AKR1C4: variants seen among roughly 807,000 people sequenced by gnomAD.
AKR1C4 encodes 3-alpha-HSD1.
In AKR1C4, 44 loss-of-function variants were observed where a neutral mutation model predicts 41.0. That is an observed-to-expected ratio of 1.07 (90% CI 0.84 to 1.38). The LOEUF (loss-of-function observed/expected upper bound fraction) is 1.38, where lower values mean the gene tolerates loss of function less well. Ranked by LOEUF, AKR1C4 falls within the 40% of genes most tolerant of loss-of-function variation. AKR1C4 has a pLI of 0.00. For synonymous variants in AKR1C4, 165 were observed against 137.7 expected, an observed-to-expected ratio of 1.20 and a Z score of -1.39; for missense variants, 438 against 387.9, an observed-to-expected ratio of 1.13 and a Z score of -1.09.
intron 5 of AKR1C4, chr10:5,207,736 T>C (rs781840684): frequency 4.2e-6 from 2 of 480,654 alleles, no homozygotes; most frequent in South Asian, 1.7e-5. Context: ...ATTGCAGTAA[T>C]ATAAAAAGAT....
At chr10:5,203,556 C>A (rs573586596) in intron 2 of AKR1C4, among the ~76,000 whole-genome samples, 1 of 152,222 alleles carries the variant, frequency 6.6e-6, no homozygotes. Context: ...AGTTTCTCCC[C>A]TTCTCACACT....
chr10:5,214,346 T>C (rs909077065), intron 7 of AKR1C4, among the ~76,000 whole-genome samples: 2 of 141,400 alleles, frequency 1.4e-5, no homozygotes, highest in African/African-American at 5.2e-5. Context: ...ACTACCATAA[T>C]AGTAACAGTA....
chr10:5,218,613 T>C (rs1390701554), intron 8 of AKR1C4, 105 bp from the exon 9 acceptor site: 2 of 822,890 alleles, frequency 2.4e-6, no homozygotes, highest in Non-Finnish European at 4.0e-6. Context: ...AAAATAAACT[T>C]CTTAACATTC....
At chr10:5,209,587 A>G (rs1034406234) in intron 5 of AKR1C4, among the ~76,000 whole-genome samples, 1 of 152,220 alleles carries the variant, frequency 6.6e-6, no homozygotes, top group African/African-American at 2.4e-5. Flanking sequence ...TATAGTTCCA[A>G]TATGGCTGAG....
At chr10:5,207,872 T>G (rs1832513744) in intron 5 of AKR1C4, 2 of 244,392 alleles carry the variant, frequency 8.2e-6, no homozygotes, top group South Asian at 9.9e-5. Flanking sequence ...TTCATTTCAT[T>G]GAACAATCAG....
At chr10:5,215,393 C>T (rs575986049) in intron 7 of AKR1C4, among the ~76,000 whole-genome samples, 1 of 152,048 alleles carries the variant, frequency 6.6e-6, no homozygotes, top group African/African-American at 2.4e-5. Flanking sequence ...AAAAAAAATA[C>T]TTGATGCTGG....
rs533399756 is a variant in AKR1C4 at position 5,213,017 on chromosome 10, T to C, written c.704T>C (p.Leu235Pro). 119 of 1,614,120 alleles carry C rather than the reference T, an allele frequency of 7.4e-5. No individual in the cohort carries two copies. In the Middle Eastern group the frequency reaches 1.3e-3, roughly 18 times the overall value. The change falls in exon 7 of 9, where the codon CTT becomes CCT. Residue 235 changes from leucine (L) to proline (P), a missense_variant. Physicochemically the swap from Leu to Pro is moderately conservative, Grantham distance 98. Transcript: ENST00000263126. ...AGGGTGGACCCAAACTCCCCAGTTC[T>C]TTTGGAGGACCCAGTTCTTTGTGCC... ...KLWVDPNSPV[L>P]LEDPVLCALA...
At chr10:5,204,663 G>A (rs56015013) in intron 3 of AKR1C4, 170 bp downstream of exon 3, 48,055 of 755,770 alleles carry the variant, frequency 0.064, 1,723 homozygotes, top group Middle Eastern at 0.099. Flanking sequence ...CTTCTGTAAC[G>A]TATGATGACA....
rs1227555646 is a variant in AKR1C4 at position 5,206,161 on chromosome 10, C to T, written c.448-114C>T. 8 of 1,531,618 alleles carry T rather than the reference C, an allele frequency of 5.2e-6. No homozygotes were observed. The South Asian group carries it at 8.9e-5, about 17-fold the overall frequency. 94.9% of individuals were successfully genotyped at this position (1,531,618 alleles called of 1,614,324 possible). A position where few individuals can be genotyped will look rare whatever the true frequency, so the allele number is the denominator to read the frequency against. On this transcript the variant is annotated intron_variant, in intron 4 of 8. Transcript: ENST00000263126. ...TTGTAATTTTTTCTCTTGAGAATCACTGCTATTTTCATTGTCATATCTTAA... is the reference window on the plus strand; with the variant it reads ...TTGTAATTTTTTCTCTTGAGAATCATTGCTATTTTCATTGTCATATCTTAA...
rs1474093408 is a variant in AKR1C4, at chr10:5,216,742, T to C, written c.878T>C (p.Met293Thr). The C allele has an allele frequency of 1.2e-6, 2 of 1,612,444 alleles. No individual in the cohort carries two copies. ...GAATTCCAGTTGACATCAGAGGATA[T>C]GAAAGTTCTAGATGGTCTAAACAGA... ...VFEFQLTSED[M>T]KVLDGLNRNY... The change falls in exon 8 of 9, where the codon ATG becomes ACG. Residue 293 changes from methionine (M) to threonine (T), a missense_variant. Met to Thr is a moderately conservative substitution (Grantham distance 81, BLOSUM62 -1). Transcript: ENST00000263126.
At chr10:5,214,732 A>G (rs1832631521) in intron 7 of AKR1C4, among the ~76,000 whole-genome samples, 2 of 152,162 alleles carry the variant, frequency 1.3e-5, no homozygotes, top group Admixed American at 1.3e-4. Flanking sequence ...AATACAATGA[A>G]TGCTTCTTAC....
intron 3 of AKR1C4, among the ~76,000 whole-genome samples, chr10:5,205,194 G>A (rs1253468619): frequency 6.6e-6 from 1 of 152,192 alleles, no homozygotes; most frequent in Non-Finnish European, 1.5e-5. Context: ...GAAGTTTTCT[G>A]GATTTTTGTC....
chr10:5,213,835 T>C (rs1428868085), intron 7 of AKR1C4, among the ~76,000 whole-genome samples: 1 of 152,138 alleles, frequency 6.6e-6, no homozygotes, highest in Non-Finnish European at 1.5e-5. Context: ...GGATATTCTT[T>C]AACAGCTTCA....
chr10:5,214,915 C>T (rs1554798346), intron 7 of AKR1C4, among the ~76,000 whole-genome samples: 2 of 152,078 alleles, frequency 1.3e-5, no homozygotes, highest in African/African-American at 2.4e-5. Context: ...CTTCAAGAAA[C>T]TATTTGTGTT....
At position 5,216,800 on chromosome 10, in the gene AKR1C4, A is replaced by G. The variant is rs782624554; in HGVS notation, c.929+7A>G. The G allele has an allele frequency of 8.1e-6, 13 of 1,595,466 alleles. 1 individual carries two copies. The South Asian group carries it at 1.5e-4, about 18-fold the overall frequency. The stretch of plus-strand genomic sequence containing the variant: ...GATATGTTGTCATGGATTTGTAAGT[A>G]ACTTTGGAAAATGGGTTTCCCAGTT... On this transcript the variant is annotated splice_region_variant and intron_variant, in intron 8 of 8. Transcript: ENST00000263126.
At position 5,205,805 on chromosome 10, in the gene AKR1C4, G is replaced by C. The variant is rs527606219; in HGVS notation, c.418G>C (p.Asp140His). 6.2e-7 allele frequency: 1 copy of C among 1,613,310 alleles called. No individual in the cohort carries two copies. Among genetic ancestry groups the C allele is most frequent in the African/African-American group, 1.3e-5 (1 of 74,880 alleles). ...AGATGAAAATGGAAAAGTAATATTC[G>C]ACACAGTGGATCTCTCTGCCACATG... ...PKDENGKVIF[D>H]TVDLSATWEV... Residue 140 changes from aspartate (D) to histidine (H), a missense_variant, in exon 4 of 9, where the codon GAC (aspartate) becomes CAC (histidine). Physicochemically the swap from Asp to His is moderately conservative, Grantham distance 81. Transcript: ENST00000263126.
chr10:5,215,968 G>C (rs1391520630), intron 7 of AKR1C4, among the ~76,000 whole-genome samples: 4 of 152,044 alleles, frequency 2.6e-5, no homozygotes, highest in South Asian at 2.1e-4. Flanking sequence ...TTCCATATTA[G>C]TCCATTGTGC....
chr10:5,198,707 T>C (rs1189780584), intron 1 of AKR1C4, among the ~76,000 whole-genome samples: 1 of 152,216 alleles, frequency 6.6e-6, no homozygotes, highest in East Asian at 1.9e-4. Context: ...AATTTCACTA[T>C]ATTAAAAATA....
intron 7 of AKR1C4, among the ~76,000 whole-genome samples, chr10:5,215,312 T>C (rs1231666196): frequency 6.6e-6 from 1 of 152,126 alleles, no homozygotes; most frequent in Non-Finnish European, 1.5e-5. Flanking sequence ...GGTGTTTGTG[T>C]CATGGGGGCA....
Sources: gnomAD v4.1 joint callset for allele counts (sites outside exome capture counted in the v4.1 genomes callset) on GRCh38, gnomAD v4.1.1 for gene constraint, MANE v1.5 for transcripts, NCBI Gene and HGNC (gene_info 2026-07-23, HGNC 2026-07-21) for gene names.